The following SLC12A7 variants were observed in gnomAD, a reference collection of about 807,000 sequenced individuals.
The protein encoded by SLC12A7 is K-Cl cotransporter 4.
A neutral mutation model predicts 120.6 loss-of-function variants in SLC12A7; 100 were observed. That is an observed-to-expected ratio of 0.83 (90% CI 0.71 to 0.98). SLC12A7 has a LOEUF of 0.98. Ranked by LOEUF, SLC12A7 falls within the 50% of genes least tolerant of loss-of-function variation. The pLI, the probability that SLC12A7 is intolerant of heterozygous loss-of-function variation, is 0.00. For synonymous variants in SLC12A7, 760 were observed against 678.0 expected (o/e 1.12, Z -1.88); for missense variants, 1,373 against 1,548.1 (o/e 0.89, Z 1.90).
chr5:1,081,516 T>C, intron 9 of SLC12A7, 61 bp downstream of exon 9: 1 of 1,546,112 alleles, frequency 6.5e-7, no homozygotes, highest in Non-Finnish European at 8.8e-7. Flanking sequence ...AGCAAGACCT[T>C]GCCTCAAAAA....
rs148964142 is a variant in SLC12A7, at chr5:1,064,036, G to A, written c.2607+47C>T. The A allele has an allele frequency of 7.7e-4, 1,233 of 1,601,982 alleles. 6 individuals carry two copies. In the African/African-American group the frequency reaches 0.014, roughly 18 times the overall value. On this transcript the variant is annotated intron_variant, in intron 19 of 23. Transcript: ENST00000264930. ...AGGAGCCCGTCCCGGCCCGCAGCAC[G>A]TGGGGTGGCCGTGCTCCGGCTGGCG...
chr5:1,144,401 TCCAGCTTTAAACCAGTTGCTC>T, the SLC12A7 span, among the ~76,000 whole-genome samples: 2 of 152,202 alleles, frequency 1.3e-5, no homozygotes, highest in Admixed American at 6.5e-5. Context: ...GGGTTTTCAC[TCCAGCTTTAAACCAGTTGCTC>T]CCAGGCCGCC....
intron 20 of SLC12A7, among the ~76,000 whole-genome samples, chr5:1,061,161 TGCGGG>T (rs1163581342): frequency 4.0e-5 from 1 of 25,248 alleles, no homozygotes; most frequent in African/African-American, 5.5e-5. Flanking sequence ...GCACCCGCCG[TGCGGG>T]ACCCCTGCGT....
chr5:1,065,431 C>T lies in SLC12A7; in HGVS notation c.2289G>A (p.Gln763=). The T allele has an allele frequency of 6.2e-7, 1 of 1,611,446 alleles. No homozygotes were observed. The highest frequency in any genetic ancestry group is 8.5e-7 in the Non-Finnish European group (1 of 1,179,034). ...MSTEKTKGFC[Q]LVVSSSLRDG... ...CCCGCAGGCTGGACGAGACCACCAG[C>T]TGGCAGAAGCCCTTGGTCTTCTCTG... Residue 763 remains glutamine (Q), a synonymous_variant, in exon 18 of 24, where the codon CAG becomes CAA. Coordinates refer to ENST00000264930, the MANE Select transcript of SLC12A7 (RefSeq NM_006598.3).
Position 1,050,787 on chromosome 5 carries a change from A to G in SLC12A7, c.*1573T>C. 2.5e-6 allele frequency: 1 copy of G among 398,486 alleles called. No homozygotes were observed. The highest frequency in any genetic ancestry group is 4.4e-6 in the Non-Finnish European group (1 of 226,010). 24.7% of individuals were successfully genotyped at this position (398,486 alleles called of 1,614,324 possible). On this transcript the variant is annotated 3_prime_UTR_variant, in exon 24 of 24. Transcript: ENST00000264930. ...CAGGCAGAGGCTGTGGGAACTGCTGAGCCCCGCTGTGATGTCTGGGACACG... is the reference window on the plus strand; with the variant it reads ...CAGGCAGAGGCTGTGGGAACTGCTGGGCCCCGCTGTGATGTCTGGGACACG...
At chr5:1,093,225 C>T (rs114447362) in intron 3 of SLC12A7, among the ~76,000 whole-genome samples, 5,818 of 152,298 alleles carry the variant, frequency 0.038, 143 homozygotes, top group Non-Finnish European at 0.062. Context: ...AGACTCCTCT[C>T]CACAGCAGGG....
chr5:1,087,365 C>G (rs1739984307), intron 5 of SLC12A7, among the ~76,000 whole-genome samples: 1 of 152,238 alleles, frequency 6.6e-6, no homozygotes, highest in South Asian at 2.1e-4. Flanking sequence ...GCCCCCACTT[C>G]CACTAAGTTT....
intron 5 of SLC12A7, among the ~76,000 whole-genome samples, chr5:1,087,327 A>C (rs192458967): frequency 3.5e-4 from 53 of 152,300 alleles, no homozygotes; most frequent in African/African-American, 1.2e-3. Context: ...TCCCAGAAAA[A>C]GTCCCGCGTA....
chr5:1,139,067 TGGG>T, the SLC12A7 span, among the ~76,000 whole-genome samples: 1 of 150,614 alleles, frequency 6.6e-6, no homozygotes, highest in African/African-American at 2.4e-5. Flanking sequence ...AAGCTTGGGG[TGGG>T]GGGGGGGCTC....
chr5:1,061,082 T>C (rs112435271), intron 20 of SLC12A7, among the ~76,000 whole-genome samples: 61 of 79,856 alleles, frequency 7.6e-4, no homozygotes, highest in African/African-American at 2.9e-3. Flanking sequence ...ACCTGCCGCA[T>C]CCGCCATGCG....
At chr5:1,075,027 G>A (rs371882695) in intron 15 of SLC12A7, among the ~76,000 whole-genome samples, 6 of 152,174 alleles carry the variant, frequency 3.9e-5, no homozygotes, top group East Asian at 3.9e-4. Flanking sequence ...GGGGAAGGAC[G>A]CCTGTGGCTG....
intron 3 of SLC12A7, among the ~76,000 whole-genome samples, chr5:1,090,251 G>A (rs556133373): frequency 7.7e-4 from 117 of 152,354 alleles, no homozygotes; most frequent in Non-Finnish European, 1.4e-3. Context: ...GACTGGCCAA[G>A]GCTGGGGCCA....
intron 1 of SLC12A7, among the ~76,000 whole-genome samples, chr5:1,100,321 G>A (rs192099664): frequency 1.8e-4 from 28 of 152,314 alleles, no homozygotes; most frequent in Middle Eastern, 3.4e-3. Flanking sequence ...CACAGGACCC[G>A]GCCAGAGTCA....
rs546845844 is a variant in SLC12A7, at chr5:1,057,610, C to A, written c.2887G>T (p.Ala963Ser). 17 of 1,606,126 alleles carry A rather than the reference C, an allele frequency of 1.1e-5. No homozygotes were observed. The Admixed American group carries it at 2.8e-4, about 27-fold the overall frequency. ...IHDRNTASHT[A>S]AAARTQAPPT... Reference sequence around the variant, plus strand: ...GGCGCTTGGGTCCTGGCTGCCGCCGCGGTGTGGGACGCGGTGTTCCTGTCG... The same window carrying A: ...GGCGCTTGGGTCCTGGCTGCCGCCGAGGTGTGGGACGCGGTGTTCCTGTCG... The change falls in exon 22 of 24, where the codon GCG (alanine) becomes TCG (serine). Residue 963 changes from alanine to serine, a missense_variant. Physicochemically the swap from Ala to Ser is moderately conservative, Grantham distance 99. Coordinates refer to ENST00000264930, the MANE Select transcript of SLC12A7 (RefSeq NM_006598.3).
At position 1,063,955 on chromosome 5, in the gene SLC12A7, C is replaced by T. The variant is rs777335688; in HGVS notation, c.2628G>A (p.Met876Ile). The T allele has an allele frequency of 7.4e-6, 12 of 1,612,618 alleles. No homozygotes were observed. In the South Asian group the frequency reaches 9.9e-5, roughly 13 times the overall value. The change falls in exon 20 of 24, where the codon ATG becomes ATA. Residue 876 changes from methionine (M) to isoleucine (I), a missense_variant. Physicochemically the swap from Met to Ile is conservative, Grantham distance 10. Transcript: ENST00000264930. Reference protein sequence around the residue: ...RQHKVWRKCRMRIFTVAQVDD... With the variant: ...RQHKVWRKCRIRIFTVAQVDD... The stretch of plus-strand genomic sequence containing the variant: ...CCACCTGGGCCACGGTGAAGATACG[C>T]ATCCGGCACTTCCTCCACACCTGCA...
the SLC12A7 span, among the ~76,000 whole-genome samples, chr5:1,151,083 G>A: frequency 6.6e-6 from 1 of 152,232 alleles, no homozygotes; most frequent in African/African-American, 2.4e-5. This position sits in a 1 kb window ranked among gnomAD's most constrained non-coding sequence, Gnocchi z 6.2. Context: ...CCTCACTGCT[G>A]TGCCAGCAGG....
intron 1 of SLC12A7, among the ~76,000 whole-genome samples, chr5:1,102,435 C>A (rs982391300): frequency 1.3e-5 from 2 of 152,210 alleles, no homozygotes; most frequent in Admixed American, 6.5e-5. Context: ...CTTCCTCCCG[C>A]GTTTTGGGAT....
At chr5:1,064,868 A>G (rs36142242) in intron 18 of SLC12A7, among the ~76,000 whole-genome samples, 50 of 70,598 alleles carry the variant, frequency 7.1e-4, no homozygotes, top group African/African-American at 3.3e-3. Context: ...GCGAGGGGAC[A>G]GCGAGGGGAC....
chr5:1,131,963 G>A, the SLC12A7 span, among the ~76,000 whole-genome samples: 4 of 152,316 alleles, frequency 2.6e-5, no homozygotes, highest in East Asian at 5.8e-4. Context: ...AACAGGGGCT[G>A]GGTCTGATGA....
Sources: gnomAD v4.1 joint callset for allele counts (sites outside exome capture counted in the v4.1 genomes callset) on GRCh38, gnomAD v4.1.1 for gene constraint, Gnocchi (gnomAD v3.1) non-coding constraint, MANE v1.5 for transcripts, NCBI Gene and HGNC (gene_info 2026-07-23, HGNC 2026-07-21) for gene names.